The following NKAIN2 variants were observed in gnomAD, a reference collection of about 807,000 sequenced individuals.
The protein encoded by NKAIN2 is sodium/potassium-transporting ATPase subunit beta-1-interacting protein 2.
NKAIN2 carries 14 observed loss-of-function variants against 32.6 expected under a neutral mutation model. That is an observed-to-expected ratio of 0.43 (90% CI 0.28 to 0.67). NKAIN2 has a LOEUF of 0.67. Ranked by LOEUF, NKAIN2 falls within the 30% of genes least tolerant of loss-of-function variation. NKAIN2 has a pLI of 0.17. For missense variants in NKAIN2, 198 were observed against 258.3 expected, an observed-to-expected ratio of 0.77 and a Z score of 1.60; for synonymous variants, 80 against 87.2, an observed-to-expected ratio of 0.92 and a Z score of 0.46.
At chr6:124,423,863 C>T (rs994386985) in intron 3 of NKAIN2, among the ~76,000 whole-genome samples, 2 of 152,174 alleles carry the variant, frequency 1.3e-5, no homozygotes, top group African/African-American at 4.8e-5. Context: ...CCTGTCCTAG[C>T]CTTTAAAACT....
At chr6:124,398,254 A>C (rs1342788422) in intron 3 of NKAIN2, among the ~76,000 whole-genome samples, 1 of 36,690 alleles carries the variant, frequency 2.7e-5, no homozygotes, top group African/African-American at 8.1e-5. Context: ...CTGCATCTCA[A>C]AAAAAAAAAA....
rs575268827 is a variant in NKAIN2 at position 124,432,256 on chromosome 6, A to G, written c.273+76909A>G. 7.9e-5 allele frequency among the ~76,000 whole-genome samples: 12 copies of G among 152,290 alleles called. No homozygotes were observed. In the South Asian group the frequency reaches 2.3e-3, roughly 29 times the overall value. On this transcript the variant is annotated intron_variant, in intron 3 of 6. Coordinates refer to ENST00000368417, the MANE Select transcript of NKAIN2 (RefSeq NM_001040214.3). ...TGATGACAGTACTATAAGCAGTGAA[A>G]GACAGTTTAATCTGTAATGCCCCTC...
At chr6:123,832,479 A>G (rs1320693808) in intron 1 of NKAIN2, among the ~76,000 whole-genome samples, 1 of 152,206 alleles carries the variant, frequency 6.6e-6, no homozygotes, top group Non-Finnish European at 1.5e-5. Context: ...GACACCTTTG[A>G]GTAAATGCCA....
chr6:124,305,573 T>C (rs1221815796), intron 2 of NKAIN2, among the ~76,000 whole-genome samples: 1 of 152,068 alleles, frequency 6.6e-6, no homozygotes, highest in Non-Finnish European at 1.5e-5. Context: ...CAAATGGAGA[T>C]GTTCAAAAGT....
chr6:124,536,814 ATG>A (rs781608234), intron 3 of NKAIN2, among the ~76,000 whole-genome samples: 2 of 152,186 alleles, frequency 1.3e-5, no homozygotes, highest in Non-Finnish European at 2.9e-5. Context: ...TGTGGGGTTC[ATG>A]TGGCAAACAA....
rs140376606 is a variant in NKAIN2, at chr6:124,650,513, T to C, written c.274-7673T>C. Among the ~76,000 whole-genome samples, 215 of 152,216 alleles carry C rather than the reference T, an allele frequency of 1.4e-3. 1 individual carries two copies. Among genetic ancestry groups the C allele is most frequent in the Non-Finnish European group, 2.2e-4 (15 of 68,012 alleles). On this transcript the variant is annotated intron_variant, in intron 3 of 6. Coordinates refer to ENST00000368417, the MANE Select transcript of NKAIN2 (RefSeq NM_001040214.3). ...AATTTTATAATTTATAATTGTGCAT[T>C]TAGGCTGCATCATAATATGGCAAAA...
chr6:124,423,260 G>A (rs78020369), intron 3 of NKAIN2, among the ~76,000 whole-genome samples: 3,116 of 152,228 alleles, frequency 0.02, 120 homozygotes, highest in African/African-American at 0.071. Flanking sequence ...GAATATACAA[G>A]CATTGATCTT....
At chr6:124,075,887 C>T (rs879439974) in intron 1 of NKAIN2, among the ~76,000 whole-genome samples, 9 of 152,160 alleles carry the variant, frequency 5.9e-5, no homozygotes, top group East Asian at 1.9e-4. Flanking sequence ...TGAGCCACTG[C>T]GCCCAGCATG....
At chr6:123,965,848 G>A (rs1488563082) in intron 1 of NKAIN2, among the ~76,000 whole-genome samples, 1 of 151,986 alleles carries the variant, frequency 6.6e-6, no homozygotes, top group Non-Finnish European at 1.5e-5. Context: ...CTTAAATTCT[G>A]TCTTGTATTA....
At chr6:124,198,455 T>C (rs1407231131) in intron 1 of NKAIN2, among the ~76,000 whole-genome samples, 5 of 151,512 alleles carry the variant, frequency 3.3e-5, no homozygotes, top group Admixed American at 1.3e-4. Flanking sequence ...CTCTCTGCCT[T>C]GTATTTGTTG....
At chr6:124,349,157 G>A (rs187034772) in intron 2 of NKAIN2, among the ~76,000 whole-genome samples, 217 of 152,220 alleles carry the variant, frequency 1.4e-3, no homozygotes, top group African/African-American at 5.0e-3. Context: ...AGGGTGAGTA[G>A]GGCAGGGTTT....
intron 1 of NKAIN2, among the ~76,000 whole-genome samples, chr6:123,821,952 T>C (rs925476747): frequency 9.3e-5 from 14 of 151,272 alleles, no homozygotes; most frequent in African/African-American, 3.4e-4. Context: ...ACTTTTTCTT[T>C]TCAGCATCCA....
chr6:124,595,141 AT>A (rs1782038504), intron 3 of NKAIN2, among the ~76,000 whole-genome samples: 2 of 152,202 alleles, frequency 1.3e-5, no homozygotes, highest in South Asian at 4.1e-4. Context: ...GAGATTAGAA[AT>A]CATGAATTCC....
intron 1 of NKAIN2, among the ~76,000 whole-genome samples, chr6:124,080,719 C>A (rs987339445): frequency 6.7e-6 from 1 of 149,548 alleles, no homozygotes; most frequent in Non-Finnish European, 1.5e-5. Flanking sequence ...CAAACACACA[C>A]GACTACTAGC....
rs1327999519 is a variant in NKAIN2 at position 123,804,069 on chromosome 6, A to C, written c.-132A>C. On this transcript the variant is annotated 5_prime_UTR_variant, in exon 1 of 7. Coordinates refer to ENST00000368417, the MANE Select transcript of NKAIN2 (RefSeq NM_001040214.3). ...GCCTGTCACTTCCCAGGACGCTGGC[A>C]GCAGCAGCAGCCCGGAGCCCCCGAG... is the stretch of plus-strand genomic sequence containing the variant. 1 of 829,990 alleles carries C rather than the reference A, an allele frequency of 1.2e-6. No individual in the cohort carries two copies. The highest frequency in any genetic ancestry group is 1.7e-5 in the African/African-American group (1 of 59,764). The allele number at this position is 829,990 out of a possible 1,614,324, so 51.4% of individuals were successfully genotyped here. A position where few individuals can be genotyped will look rare whatever the true frequency, so the allele number is the denominator to read the frequency against.
intron 1 of NKAIN2, among the ~76,000 whole-genome samples, chr6:123,877,105 CT>C (rs1773204269): frequency 6.6e-6 from 1 of 151,914 alleles, no homozygotes; most frequent in South Asian, 2.1e-4. Flanking sequence ...ATGTGTTTTT[CT>C]TTTGGTCCAG....
chr6:123,864,576 G>A (rs1035321208), intron 1 of NKAIN2, among the ~76,000 whole-genome samples: 3 of 152,142 alleles, frequency 2.0e-5, no homozygotes, highest in Admixed American at 2.0e-4. Context: ...ATTTAGAGCG[G>A]TCAAGGAAAG....
chr6:123,899,436 T>A (rs1774449461), intron 1 of NKAIN2, among the ~76,000 whole-genome samples: 1 of 152,186 alleles, frequency 6.6e-6, no homozygotes, highest in Non-Finnish European at 1.5e-5. Flanking sequence ...CTTTTTAGAA[T>A]TCATGATCAC....
intron 4 of NKAIN2, among the ~76,000 whole-genome samples, chr6:124,740,393 C>T (rs1481224319): frequency 6.6e-6 from 1 of 150,676 alleles, no homozygotes; most frequent in Admixed American, 6.6e-5. Context: ...TCATGGAGCT[C>T]ATATTTCAGC....
Sources: gnomAD v4.1 joint callset for allele counts (sites outside exome capture counted in the v4.1 genomes callset) on GRCh38, gnomAD v4.1.1 for gene constraint, MANE v1.5 for transcripts, NCBI Gene and HGNC (gene_info 2026-07-23, HGNC 2026-07-21) for gene names.